Variants in PRMT8 observed in about 807,000 individuals in gnomAD.
PRMT8 encodes protein arginine methyltransferase 8, also known as protein arginine N-methyltransferase 8.
Under a neutral mutation model 47.1 loss-of-function variants are expected in PRMT8, and 7 were observed. The ratio of observed to expected loss-of-function variants is 0.15; its 90% CI spans 0.08 to 0.28. The LOEUF (loss-of-function observed/expected upper bound fraction) is 0.28. Ranked by LOEUF, PRMT8 falls within the 10% of genes least tolerant of loss-of-function variation. The pLI is 1.00. For synonymous variants in PRMT8, 188 were observed against 186.5 expected, an observed-to-expected ratio of 1.01 and a Z score of -0.07; for missense variants, 237 against 505.4, an observed-to-expected ratio of 0.47 and a Z score of 5.09.
At chr12:3,567,255 T>A (rs1033126155) in intron 4 of PRMT8, among the ~76,000 whole-genome samples, 16 of 152,232 alleles carry the variant, frequency 1.1e-4, no homozygotes, top group Non-Finnish European at 2.1e-4. Context: ...TGATATTGCT[T>A]TTCATGGTTG....
intron 1 of PRMT8, among the ~76,000 whole-genome samples, chr12:3,484,533 G>T (rs1865304624): frequency 6.6e-6 from 1 of 152,228 alleles, no homozygotes; most frequent in African/African-American, 2.4e-5. Flanking sequence ...ACTCACCTGT[G>T]TTAACAATAC....
At chr12:3,458,438 C>T (rs953777936) in intron 1 of PRMT8, among the ~76,000 whole-genome samples, 2 of 152,164 alleles carry the variant, frequency 1.3e-5, no homozygotes, top group Admixed American at 6.5e-5. Flanking sequence ...AGAGAAAACT[C>T]CCACCTTGAC....
intron 1 of PRMT8, among the ~76,000 whole-genome samples, chr12:3,511,879 G>A (rs953726313): frequency 1.3e-5 from 2 of 152,240 alleles, no homozygotes; most frequent in Non-Finnish European, 2.9e-5. Context: ...TCCTAAGTGT[G>A]TAGTGCTGGA....
In PRMT8 at chr12:3,540,675, G is replaced by A; in HGVS notation, c.145G>A (p.Val49Met). ...PAKPVQCVHH[V>M]STQPSCPGRG... ...TAAGCCCGTGCAATGCGTCCATCAT[G>A]TGTCCACTCAACCCAGCTGCCCAGG... is the stretch of plus-strand genomic sequence containing the variant. Residue 49 changes from valine (V) to methionine (M), a missense_variant, in exon 2 of 10, where the codon GTG becomes ATG. This residue lies in a region of PRMT8 where 43 missense variants were observed against 32.4 expected (regional missense o/e 1.33). Coordinates refer to ENST00000382622, the MANE Select transcript of PRMT8 (RefSeq NM_019854.5). 6.7e-7 allele frequency: 1 copy of A among 1,501,764 alleles called. No individual in the cohort carries two copies. Among genetic ancestry groups the A allele is most frequent in the Non-Finnish European group, 9.0e-7 (1 of 1,112,314 alleles). 93.0% of individuals were successfully genotyped at this position (1,501,764 alleles called of 1,614,324 possible). A position where few individuals can be genotyped will look rare whatever the true frequency, so the allele number is the denominator to read the frequency against.
chr12:3,476,854 C>T (rs1452704049), intron 1 of PRMT8, among the ~76,000 whole-genome samples: 1 of 152,172 alleles, frequency 6.6e-6, no homozygotes, highest in African/African-American at 2.4e-5. Context: ...AGGCACTGGG[C>T]TTCGAGTCTG....
At chr12:3,544,165 A>G (rs1591594810) in intron 2 of PRMT8, among the ~76,000 whole-genome samples, 1 of 152,222 alleles carries the variant, frequency 6.6e-6, no homozygotes, top group Admixed American at 6.5e-5. Flanking sequence ...AGAGGCTGGG[A>G]ACTGTTTTCC....
At chr12:3,405,539 A>G (rs774349144) in intron 1 of PRMT8, among the ~76,000 whole-genome samples, 1 of 152,244 alleles carries the variant, frequency 6.6e-6, no homozygotes, top group Non-Finnish European at 1.5e-5. Flanking sequence ...CCTTTCGCCT[A>G]TAAAATCAAA....
At chr12:3,532,687 C>G (rs964105455) in intron 1 of PRMT8, among the ~76,000 whole-genome samples, 2 of 147,774 alleles carry the variant, frequency 1.4e-5, no homozygotes, top group Non-Finnish European at 3.0e-5. Context: ...TGCCATGGAA[C>G]CTTTTTCTAG....
At chr12:3,450,002 G>C (rs548159789) in intron 1 of PRMT8, among the ~76,000 whole-genome samples, 3 of 152,216 alleles carry the variant, frequency 2.0e-5, no homozygotes, top group Non-Finnish European at 4.4e-5. Flanking sequence ...TAAATGTCTT[G>C]ATTAATAGAA....
chr12:3,534,065 G>A (rs1338408943), intron 1 of PRMT8, among the ~76,000 whole-genome samples: 1 of 152,230 alleles, frequency 6.6e-6, no homozygotes, highest in East Asian at 1.9e-4. Flanking sequence ...AGGTGAAGGC[G>A]GTGGGCAAAA....
chr12:3,403,876 C>CAAA lies in PRMT8; in HGVS notation c.48+22454_48+22456dup, dbSNP rs1315547758. On this transcript the variant is annotated intron_variant, in intron 1 of 9. Coordinates refer to the PRMT8 transcript ENST00000452611. ...TGGGCAACAGAGCAAGACTCTGTCT[C>CAAA]AAAAAAAAAAAAAAAAAAAAAAGAG... is the stretch of plus-strand genomic sequence containing the variant. Among the ~76,000 whole-genome samples the CAAA allele has an allele frequency of 1.2e-3, 90 of 74,524 alleles. 2 individuals carry two copies. The highest frequency in any genetic ancestry group is 8.1e-3 in the Middle Eastern group (1 of 124). 48.9% of individuals were successfully genotyped at this position (74,524 alleles called of 152,430 possible). A position where few individuals can be genotyped will look rare whatever the true frequency, so the allele number is the denominator to read the frequency against.
intron 1 of PRMT8, among the ~76,000 whole-genome samples, chr12:3,427,765 A>G (rs903680086): frequency 1.3e-5 from 2 of 152,130 alleles, no homozygotes; most frequent in Non-Finnish European, 2.9e-5. Context: ...TTAAACAACT[A>G]GTTAATTTAT....
In PRMT8 at chr12:3,553,642, C is replaced by A; in HGVS notation, c.418-9C>A. 1 of 1,599,462 alleles carries A rather than the reference C, an allele frequency of 6.3e-7. No homozygotes were observed. Among genetic ancestry groups the A allele is most frequent in the Non-Finnish European group, 8.6e-7 (1 of 1,166,706 alleles). ...GACGCCTTGCTCCTTTGTCCTATGC[C>A]CTTTCCAGATCGAATGCTCCAGTAT... On this transcript the variant is annotated splice_polypyrimidine_tract_variant and intron_variant, in intron 3 of 9. Coordinates refer to ENST00000382622, the MANE Select transcript of PRMT8 (RefSeq NM_019854.5).
At chr12:3,412,958 G>A (rs941711129) in intron 1 of PRMT8, among the ~76,000 whole-genome samples, 10 of 152,150 alleles carry the variant, frequency 6.6e-5, no homozygotes, top group African/African-American at 2.4e-4. Flanking sequence ...GCATTGGTCT[G>A]CCATAGCAAT....
intron 1 of PRMT8, among the ~76,000 whole-genome samples, chr12:3,418,326 C>T (rs1336141485): frequency 5.3e-5 from 8 of 152,204 alleles, no homozygotes; most frequent in African/African-American, 1.9e-4. Context: ...CTTGGAATTG[C>T]AAGGTGTTTT....
At chr12:3,567,665 T>C (rs746622861) in intron 4 of PRMT8, among the ~76,000 whole-genome samples, 37 of 152,098 alleles carry the variant, frequency 2.4e-4, no homozygotes, top group Non-Finnish European at 3.7e-4. Context: ...ACCACAGGGG[T>C]TAGGGGTGCC....
intron 1 of PRMT8, among the ~76,000 whole-genome samples, chr12:3,435,679 A>G (rs12308720): frequency 0.17 from 26,410 of 151,246 alleles, 2,926 homozygotes; most frequent in African/African-American, 0.32. Flanking sequence ...CTGCCACCAC[A>G]CCCAGCTAAT....
In PRMT8 at chr12:3,566,776, C is replaced by A. The variant is rs1565443895; in HGVS notation, c.482-1930C>A. 6.6e-6 allele frequency among the ~76,000 whole-genome samples: 1 copy of A among 152,134 alleles called. No individual in the cohort carries two copies. Among genetic ancestry groups the A allele is most frequent in the Non-Finnish European group, 1.5e-5 (1 of 68,038 alleles). ...AGTACAGGCCATTGTTTGTTTTTCC[C>A]AGCAAAGCTCAGGCATTGTGTGAGT... On this transcript the variant is annotated intron_variant, in intron 4 of 9. Transcript: ENST00000382622. This position sits in a 1 kb window ranked among gnomAD's most constrained non-coding sequence, Gnocchi z 4.7.
intron 1 of PRMT8, among the ~76,000 whole-genome samples, chr12:3,522,648 TA>T (rs57112104): frequency 0.94 from 123,550 of 131,024 alleles, 58,420 homozygotes; most frequent in Non-Finnish European, 0.98. Context: ...GAGACTCCAT[TA>T]AAAAAAAAAA....
Sources: gnomAD v4.1 joint callset for allele counts (sites outside exome capture counted in the v4.1 genomes callset) on GRCh38, gnomAD v4.1.1 for gene constraint, gnomAD v4.1.1 regional missense constraint, Gnocchi (gnomAD v3.1) non-coding constraint, MANE v1.5 for transcripts, NCBI Gene and HGNC (gene_info 2026-07-23, HGNC 2026-07-21) for gene names.